The following ATXN3 variants were observed in gnomAD, a reference collection of about 807,000 sequenced individuals.
ATXN3 encodes ataxin-3.
ATXN3 carries 28 observed loss-of-function variants against 58.2 expected under a neutral mutation model. The ratio of observed to expected loss-of-function variants is 0.48; its 90% confidence interval spans 0.36 to 0.66. ATXN3 has a LOEUF of 0.66. Among genes scored for constraint, ATXN3 ranks in the 30% least tolerant of loss-of-function variants. The pLI, the probability that ATXN3 is intolerant of heterozygous loss-of-function variation, is 0.00. For missense variants in ATXN3, 321 were observed against 422.1 expected (o/e 0.76, Z 2.10); for synonymous variants, 113 against 138.5 (o/e 0.82, Z 1.29).
intron 1 of ATXN3, among the ~76,000 whole-genome samples, chr14:92,105,580 TAAC>T (rs2068091483): frequency 6.6e-6 from 1 of 152,198 alleles, no homozygotes. Context: ...TCCTATTAAA[TAAC>T]AGCCTTACCA....
chr14:92,077,127 G>C (rs1241997593), intron 9 of ATXN3, among the ~76,000 whole-genome samples: 2 of 151,926 alleles, frequency 1.3e-5, no homozygotes, highest in African/African-American at 2.4e-5. Flanking sequence ...GGCAATATAA[G>C]AATTGTTCAT....
intron 3 of ATXN3, among the ~76,000 whole-genome samples, chr14:92,095,265 G>A (rs8006970): frequency 0.28 from 42,303 of 151,732 alleles, 6,193 homozygotes; most frequent in East Asian, 0.44. Flanking sequence ...TTTTCTTTGA[G>A]ATGGAGTCTC....
downstream of ATXN3, among the ~76,000 whole-genome samples, chr14:92,055,497 G>A (rs140033365): frequency 9.2e-4 from 140 of 152,116 alleles, 1 homozygote; most frequent in African/African-American, 3.3e-3. The surrounding 1 kb of genome is among the most constrained non-coding windows in gnomAD (Gnocchi z 4.5). Flanking sequence ...CTCCATACTC[G>A]TTAAACAACT....
intron 6 of ATXN3, among the ~76,000 whole-genome samples, chr14:92,086,834 A>G (rs1156613815): frequency 6.6e-6 from 1 of 150,828 alleles, no homozygotes; most frequent in East Asian, 2.0e-4. Context: ...GGGGGGGGGA[A>G]CTGATTATAT....
rs56360110 is a variant in ATXN3, at chr14:92,098,976, C to T, written c.25-2138G>A. ...AGGGTGCCTGGTACTAAGTAGCCTG[C>T]GTGTGACCCTCCTCCCCGCAACAGT... is the stretch of plus-strand genomic sequence containing the variant. On this transcript the variant is annotated intron_variant, in intron 1 of 10. Transcript: ENST00000644486. 3.6e-3 allele frequency among the ~76,000 whole-genome samples: 553 copies of T among 152,248 alleles called. 3 individuals are homozygous for T. The highest frequency in any genetic ancestry group is 0.012 in the African/African-American group (512 of 41,542).
intron 8 of ATXN3, among the ~76,000 whole-genome samples, chr14:92,081,892 C>T (rs555144317): frequency 6.6e-6 from 1 of 152,100 alleles, no homozygotes; most frequent in Non-Finnish European, 1.5e-5. Flanking sequence ...AGTGGGCTTA[C>T]GGTTTAAGTT....
chr14:92,048,275 G>T (rs916926205), intron 1 of ATXN3, among the ~76,000 whole-genome samples: 14 of 152,226 alleles, frequency 9.2e-5, no homozygotes, highest in African/African-American at 3.1e-4. Context: ...TTGTCTCACA[G>T]TGGAGGCAAG....
Position 92,059,544 on chromosome 14 carries a change from G to C in ATXN3, c.*4776C>G, listed in dbSNP as rs1274979453. ...CTTTGAAAACAGTGGCCCAAGGCCG[G>C]GTGTGGTGGCCTGCACCTGTAATCC... On this transcript the variant is annotated 3_prime_UTR_variant, in exon 11 of 11. Transcript: ENST00000644486. 1.3e-5 allele frequency: 2 copies of C among 152,284 alleles called. No homozygotes were observed. The highest frequency in any genetic ancestry group is 4.8e-5 in the African/African-American group (2 of 41,444). 9.4% of individuals were successfully genotyped at this position (152,284 alleles called of 1,614,324 possible).
intron 8 of ATXN3, 91 bp downstream of exon 8, chr14:92,082,209 C>A: frequency 7.1e-7 from 1 of 1,408,472 alleles, no homozygotes; most frequent in Non-Finnish European, 9.6e-7. Context: ...TGTCAAAACA[C>A]CTCTAAGAGT....
intron 10 of ATXN3, among the ~76,000 whole-genome samples, chr14:92,066,266 C>T (rs1018434729): frequency 1.3e-5 from 2 of 152,012 alleles, no homozygotes; most frequent in Non-Finnish European, 2.9e-5. Flanking sequence ...ATCCTTTGAC[C>T]CTCCTTCATC....
intron 9 of ATXN3, among the ~76,000 whole-genome samples, chr14:92,078,955 G>A (rs998502753): frequency 5.3e-5 from 8 of 152,124 alleles, no homozygotes; most frequent in African/African-American, 1.9e-4. Context: ...GGAGGCCGAG[G>A]CAGGTGGATC....
chr14:92,080,312 G>A (rs928496698), intron 9 of ATXN3, among the ~76,000 whole-genome samples: 1 of 152,080 alleles, frequency 6.6e-6, no homozygotes, highest in African/African-American at 2.4e-5. Flanking sequence ...GCTGTTTTTC[G>A]TACTGATTGG....
At chr14:92,079,075 A>G (rs2060961282) in intron 9 of ATXN3, among the ~76,000 whole-genome samples, 1 of 151,888 alleles carries the variant, frequency 6.6e-6, no homozygotes, top group South Asian at 2.1e-4. Context: ...AATCCCAGCT[A>G]CTTGGGAGGC....
intron 3 of ATXN3, among the ~76,000 whole-genome samples, chr14:92,095,888 G>T (rs1204289900): frequency 6.6e-6 from 1 of 151,906 alleles, no homozygotes; most frequent in Non-Finnish European, 1.5e-5. Context: ...GCTACAGTGA[G>T]CCAAGATCAC....
intron 1 of ATXN3, among the ~76,000 whole-genome samples, chr14:92,049,391 A>G (rs1420373702): frequency 6.6e-6 from 1 of 152,216 alleles, no homozygotes; most frequent in Non-Finnish European, 1.5e-5. Flanking sequence ...GTGAATAATC[A>G]GGCAGTCGTC....
At position 92,093,840 on chromosome 14, in the gene ATXN3, A is replaced by G. The variant is rs1366088898; in HGVS notation, c.235-9T>C. 2 of 1,571,858 alleles carry G rather than the reference A, an allele frequency of 1.3e-6. No homozygotes were observed. The highest frequency in any genetic ancestry group is 2.7e-5 in the African/African-American group (2 of 73,936). The stretch of plus-strand genomic sequence containing the variant: ...AAGGCATTGCTTATAACCTGTTAAG[A>G]AAAATAGCAACTTTTCATAAGCTAA... On this transcript the variant is annotated splice_polypyrimidine_tract_variant and intron_variant, in intron 3 of 10. Coordinates refer to ENST00000644486, the MANE Select transcript of ATXN3 (RefSeq NM_004993.6).
intron 5 of ATXN3, chr14:92,090,685 T>C (rs1454719624): frequency 6.6e-6 from 1 of 152,142 alleles, no homozygotes; most frequent in African/African-American, 2.4e-5. Context: ...GATAACGTAA[T>C]TCAAAATGTG....
In ATXN3 at chr14:92,060,110, T is replaced by G. The variant is rs528123223; in HGVS notation, c.*4210A>C. On this transcript the variant is annotated 3_prime_UTR_variant, in exon 11 of 11. Transcript: ENST00000644486. ...TGGGGTTTCACCATGTTGGCCAGGCTGGTCTCAAACTCCGGACTTCAGGTG... is the reference window on the plus strand; with the variant it reads ...TGGGGTTTCACCATGTTGGCCAGGCGGGTCTCAAACTCCGGACTTCAGGTG... 25 of 151,584 alleles carry G rather than the reference T, an allele frequency of 1.6e-4. No individual in the cohort carries two copies. Among genetic ancestry groups the G allele is most frequent in the African/African-American group, 5.8e-4 (24 of 41,436 alleles). 9.4% of individuals were successfully genotyped at this position (151,584 alleles called of 1,614,324 possible).
intron 10 of ATXN3, among the ~76,000 whole-genome samples, chr14:92,067,391 C>T (rs2058634366): frequency 6.6e-6 from 1 of 152,148 alleles, no homozygotes; most frequent in Non-Finnish European, 1.5e-5. Context: ...TTCTCATCTC[C>T]TTCTGGGAAT....
Sources: gnomAD v4.1 joint callset for allele counts (sites outside exome capture counted in the v4.1 genomes callset) on GRCh38, gnomAD v4.1.1 for gene constraint, Gnocchi (gnomAD v3.1) non-coding constraint, MANE v1.5 for transcripts, NCBI Gene and HGNC (gene_info 2026-07-23, HGNC 2026-07-21) for gene names.